The following ROR1 variants were observed in gnomAD, a reference collection of about 807,000 sequenced individuals.
ROR1 encodes ROR family WNT receptor 1.
In ROR1, 19 loss-of-function variants were observed where a neutral mutation model predicts 78.8. That is an observed-to-expected ratio of 0.24 (90% CI 0.17 to 0.35). The LOEUF (loss-of-function observed/expected upper bound fraction) is 0.35. Ranked by LOEUF, ROR1 falls within the 10% of genes least tolerant of loss-of-function variation. The probability of loss-of-function intolerance (pLI) is 1.00; values close to 1 mark genes in which losing one functional copy is unlikely to be tolerated. For synonymous variants in ROR1, 386 were observed against 433.6 expected, an observed-to-expected ratio of 0.89 and a Z score of 1.36; for missense variants, 917 against 1,177.8, an observed-to-expected ratio of 0.78 and a Z score of 3.24.
chr1:63,844,267 C>A lies in ROR1; in HGVS notation c.91+69759C>A, dbSNP rs191538473. Among the ~76,000 whole-genome samples the A allele has an allele frequency of 2.5e-3, 381 of 152,318 alleles. 2 individuals are homozygous for A. Among genetic ancestry groups the A allele is most frequent in the African/African-American group, 8.7e-3 (362 of 41,566 alleles). ...CTGGCTACATGGTTTTCTGCTGACT[C>A]TGTGTCCCTTTTCACCATGGTTAGT... On this transcript the variant is annotated intron_variant, in intron 1 of 8. Coordinates refer to ENST00000371079, the MANE Select transcript of ROR1 (RefSeq NM_005012.4).
chr1:63,781,050 G>A (rs765566960), intron 1 of ROR1, among the ~76,000 whole-genome samples: 4 of 152,278 alleles, frequency 2.6e-5, no homozygotes, highest in Non-Finnish European at 2.9e-5. Context: ...GTAATGAAGC[G>A]TGTGGGAAGC....
At chr1:64,070,393 A>G (rs1251691842) in intron 4 of ROR1, among the ~76,000 whole-genome samples, 1 of 152,162 alleles carries the variant, frequency 6.6e-6, no homozygotes, top group East Asian at 1.9e-4. Flanking sequence ...CAGTGGTGCA[A>G]TCATGGCTTA....
chr1:64,067,873 C>T (rs1025225336), intron 4 of ROR1, among the ~76,000 whole-genome samples: 4 of 151,946 alleles, frequency 2.6e-5, no homozygotes, highest in South Asian at 2.1e-4. Context: ...CCACCGCGCC[C>T]GGGTAATTTT....
chr1:64,111,605 G>A (rs1383402917), intron 4 of ROR1, among the ~76,000 whole-genome samples: 1 of 152,174 alleles, frequency 6.6e-6, no homozygotes, highest in Non-Finnish European at 1.5e-5. Context: ...ATTGTCCGTG[G>A]CTCCACAATT....
chr1:64,084,513 G>A (rs1444979808), intron 4 of ROR1, among the ~76,000 whole-genome samples: 1 of 152,192 alleles, frequency 6.6e-6, no homozygotes, highest in East Asian at 1.9e-4. Context: ...CAACTCTACA[G>A]TTAGAGCAGA....
intron 1 of ROR1, among the ~76,000 whole-genome samples, chr1:63,826,804 A>T (rs1388999343): frequency 1.3e-5 from 2 of 152,072 alleles, no homozygotes; most frequent in Admixed American, 1.3e-4. Flanking sequence ...CAACCTCACC[A>T]GCATCAGTTA....
At chr1:64,104,630 G>C (rs1385785745) in intron 4 of ROR1, among the ~76,000 whole-genome samples, 2 of 151,600 alleles carry the variant, frequency 1.3e-5, no homozygotes, top group Non-Finnish European at 2.9e-5. Context: ...CCCTTCAATA[G>C]GCCCTGGTGT....
At chr1:63,929,964 C>CT (rs529479947) in intron 1 of ROR1, among the ~76,000 whole-genome samples, 5 of 152,000 alleles carry the variant, frequency 3.3e-5, no homozygotes, top group African/African-American at 7.2e-5. Flanking sequence ...AGTGTTAGGA[C>CT]TTTTTTTTAT....
chr1:64,093,995 A>T (rs1313849855), intron 4 of ROR1, among the ~76,000 whole-genome samples: 1 of 152,206 alleles, frequency 6.6e-6, no homozygotes, highest in Non-Finnish European at 1.5e-5. Flanking sequence ...AAGTGGCAGA[A>T]CTTACATTGA....
intron 1 of ROR1, among the ~76,000 whole-genome samples, chr1:63,813,432 A>C (rs755355461): frequency 6.6e-6 from 1 of 152,236 alleles, no homozygotes; most frequent in South Asian, 2.1e-4. Context: ...ACCTTCTAGC[A>C]TTTCACACAT....
intron 8 of ROR1, among the ~76,000 whole-genome samples, chr1:64,164,195 G>A (rs139907814): frequency 2.4e-4 from 37 of 152,174 alleles, no homozygotes; most frequent in South Asian, 1.7e-3. Context: ...TCCCCCTTGA[G>A]TGTAATGATT....
intron 1 of ROR1, among the ~76,000 whole-genome samples, chr1:63,831,341 A>G (rs1000014016): frequency 1.3e-5 from 2 of 152,236 alleles, no homozygotes; most frequent in African/African-American, 2.4e-5. Flanking sequence ...CTCCTGCAGC[A>G]GACGTCTTCC....
At chr1:64,032,940 A>C (rs758639339) in intron 2 of ROR1, among the ~76,000 whole-genome samples, 2 of 152,164 alleles carry the variant, frequency 1.3e-5, no homozygotes, top group Non-Finnish European at 2.9e-5. Context: ...AGAAAGTAAG[A>C]TGGTGGTTGC....
intron 1 of ROR1, chr1:63,843,079 C>T (rs1330444580): frequency 3.8e-6 from 2 of 527,670 alleles, no homozygotes; most frequent in Non-Finnish European, 7.0e-6. Flanking sequence ...GATTGCCCTC[C>T]CCCTGCTGGG....
intron 2 of ROR1, among the ~76,000 whole-genome samples, chr1:64,033,877 A>T (rs1156536339): frequency 6.6e-6 from 1 of 152,192 alleles, no homozygotes; most frequent in Non-Finnish European, 1.5e-5. Flanking sequence ...GAGCTTGGAG[A>T]TGTGAAATAA....
intron 7 of ROR1, among the ~76,000 whole-genome samples, chr1:64,150,861 G>T (rs1014690782): frequency 6.6e-6 from 1 of 152,084 alleles, no homozygotes; most frequent in Non-Finnish European, 1.5e-5. Flanking sequence ...TTTTGTTGTT[G>T]TTCCTAGTAT....
At chr1:64,005,170 A>G (rs535759814) in intron 1 of ROR1, among the ~76,000 whole-genome samples, 1 of 152,338 alleles carries the variant, frequency 6.6e-6, no homozygotes, top group East Asian at 1.9e-4. Flanking sequence ...AACCAAGTAC[A>G]TCCATGCAGA....
chr1:63,979,351 C>T (rs971723077), intron 1 of ROR1, among the ~76,000 whole-genome samples: 1 of 151,976 alleles, frequency 6.6e-6, no homozygotes, highest in African/African-American at 2.4e-5. Flanking sequence ...GTGCTGCTTA[C>T]GATGGTAAAC....
intron 1 of ROR1, among the ~76,000 whole-genome samples, chr1:63,967,888 A>G (rs181111713): frequency 1.3e-5 from 2 of 152,204 alleles, no homozygotes; most frequent in Admixed American, 6.5e-5. Context: ...CACTTTATGC[A>G]TAAACATTCA....
Sources: gnomAD v4.1 joint callset for allele counts (sites outside exome capture counted in the v4.1 genomes callset) on GRCh38, gnomAD v4.1.1 for gene constraint, MANE v1.5 for transcripts, NCBI Gene and HGNC (gene_info 2026-07-23, HGNC 2026-07-21) for gene names.